Variants in CNTN6 observed in about 807,000 individuals in gnomAD.
CNTN6 encodes contactin-6.
In CNTN6, 137 loss-of-function variants were observed where a neutral mutation model predicts 122.8. That is an observed-to-expected ratio of 1.12 (90% CI 0.97 to 1.29). The LOEUF (loss-of-function observed/expected upper bound fraction) is 1.29, where lower values mean the gene tolerates loss of function less well. Ranked by LOEUF, CNTN6 falls within the 50% of genes most tolerant of loss-of-function variation. The pLI, the probability that CNTN6 is intolerant of heterozygous loss-of-function variation, is 0.00. For synonymous variants in CNTN6, 570 were observed against 426.0 expected, an observed-to-expected ratio of 1.34 and a Z score of -4.16; for missense variants, 1,634 against 1,223.4, an observed-to-expected ratio of 1.34 and a Z score of -5.01.
At chr3:1,094,012 G>GA (rs989830710) in intron 1 of CNTN6, among the ~76,000 whole-genome samples, 1 of 152,118 alleles carries the variant, frequency 6.6e-6, no homozygotes, top group African/African-American at 2.4e-5. Context: ...GTTATACTGA[G>GA]AAAAAATAGA....
At chr3:1,295,525 A>T in intron 5 of CNTN6, 76 bp from the exon 6 acceptor site, 8 of 1,313,224 alleles carry the variant, frequency 6.1e-6, no homozygotes, top group Non-Finnish European at 8.5e-6. Flanking sequence ...AGTAAGACAA[A>T]GAATTTTCAG....
chr3:1,298,544 G>C (rs1696669388), intron 7 of CNTN6, among the ~76,000 whole-genome samples: 2 of 152,130 alleles, frequency 1.3e-5, no homozygotes, highest in Admixed American at 1.3e-4. Context: ...TTAGGAACAG[G>C]TTTGGAATAC....
At chr3:1,173,249 C>G (rs745896414) in intron 2 of CNTN6, 8 of 456,582 alleles carry the variant, frequency 1.8e-5, no homozygotes, top group South Asian at 1.2e-4. Context: ...GACTTCGTCT[C>G]TGGCTTCTTC....
intron 2 of CNTN6, among the ~76,000 whole-genome samples, chr3:1,189,905 A>G (rs2093677447): frequency 6.6e-6 from 1 of 152,212 alleles, no homozygotes; most frequent in African/African-American, 2.4e-5. Flanking sequence ...ATTGCATATC[A>G]CAAAATTAGT....
At chr3:1,359,421 TCTAGA>T (rs1157205303) in intron 12 of CNTN6, among the ~76,000 whole-genome samples, 1 of 152,108 alleles carries the variant, frequency 6.6e-6, no homozygotes, top group Non-Finnish European at 1.5e-5. Context: ...CAATGCTTTC[TCTAGA>T]CTGGTTTTTC....
At chr3:1,102,613 A>T (rs1335257295) in intron 1 of CNTN6, among the ~76,000 whole-genome samples, 1 of 149,822 alleles carries the variant, frequency 6.7e-6, no homozygotes, top group Admixed American at 6.7e-5. Context: ...CTGTAGTCCC[A>T]GCTACTCGGG....
chr3:1,402,756 T>A (rs563759478), intron 22 of CNTN6: 1 of 304,202 alleles, frequency 3.3e-6, no homozygotes, highest in Non-Finnish European at 6.1e-6. Flanking sequence ...GTATCACTCA[T>A]TCTATTATCA....
rs546639577 is a variant in CNTN6 at position 1,268,505 on chromosome 3, G to A, written c.359-9908G>A. On this transcript the variant is annotated intron_variant, in intron 4 of 22. Coordinates refer to ENST00000446702, the MANE Select transcript of CNTN6 (RefSeq NM_001289080.2). Reference sequence around the variant, plus strand: ...GCCTGTAGTCCCAGCTACTTGGGAGGCTGAGGCAGGAGAATGGCGTGAACC... The same window carrying A: ...GCCTGTAGTCCCAGCTACTTGGGAGACTGAGGCAGGAGAATGGCGTGAACC... Among the ~76,000 whole-genome samples, 10 of 150,312 alleles carry A rather than the reference G, an allele frequency of 6.7e-5. No individual in the cohort carries two copies. The South Asian group carries it at 2.1e-3, about 32-fold the overall frequency.
intron 2 of CNTN6, among the ~76,000 whole-genome samples, chr3:1,149,997 TG>T (rs71619475): frequency 0.18 from 27,347 of 152,060 alleles, 3,105 homozygotes; most frequent in African/African-American, 0.31. Context: ...TTTATTCTGA[TG>T]GGAGAAATCA....
chr3:1,383,290 T>C lies in CNTN6; in HGVS notation c.2402-3T>C, dbSNP rs1692226317. On this transcript the variant is annotated splice_region_variant and splice_polypyrimidine_tract_variant and intron_variant, in intron 18 of 22. Transcript: ENST00000446702. ...GATGGTTATGTCTTTCTCTGGATGG[T>C]AGAACCTCAACTGGCCCCAAGGGGA... 6.2e-7 allele frequency: 1 copy of C among 1,612,626 alleles called. No individual in the cohort carries two copies.
chr3:1,208,935 G>A (rs992136957), intron 2 of CNTN6, among the ~76,000 whole-genome samples: 2 of 152,100 alleles, frequency 1.3e-5, no homozygotes, highest in African/African-American at 2.4e-5. Context: ...CAGAGTTAGA[G>A]CTAATAAAAG....
chr3:1,335,707 T>C (rs762504190), intron 11 of CNTN6, among the ~76,000 whole-genome samples: 10 of 152,130 alleles, frequency 6.6e-5, no homozygotes, highest in Non-Finnish European at 1.5e-4. Flanking sequence ...AAAGAAATGT[T>C]GTCCTATTAT....
At chr3:1,101,609 A>G (rs2090901190) in intron 1 of CNTN6, among the ~76,000 whole-genome samples, 1 of 152,178 alleles carries the variant, frequency 6.6e-6, no homozygotes, top group Admixed American at 6.5e-5. Flanking sequence ...AGGCAATGGA[A>G]CATTTGCTAA....
At chr3:1,102,480 C>T (rs1306025312) in intron 1 of CNTN6, among the ~76,000 whole-genome samples, 1 of 152,206 alleles carries the variant, frequency 6.6e-6, no homozygotes, top group African/African-American at 2.4e-5. Flanking sequence ...CCTGTAATCC[C>T]AGCACTTTGG....
intron 4 of CNTN6, 106 bp from the exon 5 acceptor site, chr3:1,278,307 A>G (rs1692780831): frequency 2.8e-6 from 2 of 725,404 alleles, no homozygotes; most frequent in East Asian, 5.5e-5. Context: ...TCAGCAAAGT[A>G]TGAGATTAAT....
intron 2 of CNTN6, among the ~76,000 whole-genome samples, chr3:1,207,290 T>C (rs951573076): frequency 3.3e-5 from 5 of 152,178 alleles, no homozygotes; most frequent in African/African-American, 1.2e-4. Flanking sequence ...TTTCCAAATT[T>C]TTCTCCAACA....
chr3:1,301,982 G>A (rs567900335), intron 7 of CNTN6, among the ~76,000 whole-genome samples: 1 of 152,070 alleles, frequency 6.6e-6, no homozygotes, highest in East Asian at 1.9e-4. Context: ...TATAAATTAA[G>A]GTATTTAGCA....
chr3:1,149,660 G>C (rs1257700164), intron 2 of CNTN6, among the ~76,000 whole-genome samples: 1 of 152,096 alleles, frequency 6.6e-6, no homozygotes, highest in Non-Finnish European at 1.5e-5. Flanking sequence ...CTGTAACAAA[G>C]ATTTGGGGTT....
intron 1 of CNTN6, among the ~76,000 whole-genome samples, chr3:1,124,617 A>G (rs2092091073): frequency 6.6e-6 from 1 of 151,916 alleles, no homozygotes; most frequent in Non-Finnish European, 1.5e-5. Context: ...TAGGTGCTCT[A>G]AAATCTCAGA....
Sources: allele counts gnomAD v4.1 joint callset (sites outside exome capture counted in the v4.1 genomes callset), GRCh38; gene constraint gnomAD v4.1.1; transcripts MANE v1.5; gene names NCBI Gene and HGNC (gene_info 2026-07-23, HGNC 2026-07-21).